CNTN5: variants seen among roughly 807,000 people sequenced by gnomAD.
The protein encoded by CNTN5 is contactin-5.
In CNTN5, 77 loss-of-function variants were observed where a neutral mutation model predicts 129.1. That is an observed-to-expected ratio of 0.60 (90% CI 0.50 to 0.72). CNTN5 has a LOEUF of 0.72. Ranked by LOEUF, CNTN5 falls within the 30% of genes least tolerant of loss-of-function variation. CNTN5 has a pLI of 0.00. For synonymous variants in CNTN5, 509 were observed against 465.6 expected (o/e 1.09, Z -1.20); for missense variants, 1,478 against 1,328.8 (o/e 1.11, Z -1.75).
At chr11:99,824,515 C>T (rs574105588) in intron 4 of CNTN5, among the ~76,000 whole-genome samples, 35 of 151,942 alleles carry the variant, frequency 2.3e-4, no homozygotes, top group African/African-American at 3.6e-4. Flanking sequence ...AAATGCATTG[C>T]GGATATATTT....
intron 13 of CNTN5, among the ~76,000 whole-genome samples, chr11:100,138,208 AATGTTCTGT>A (rs1247470964): frequency 6.6e-6 from 1 of 151,866 alleles, no homozygotes; most frequent in East Asian, 2.0e-4. Context: ...TCCAACTTGA[AATGTTCTGT>A]AGGCAAGTGG....
At chr11:100,265,200 T>G (rs1178982006) in intron 17 of CNTN5, among the ~76,000 whole-genome samples, 7 of 152,152 alleles carry the variant, frequency 4.6e-5, no homozygotes. Flanking sequence ...AGTGATCAAT[T>G]GTATTTACCC....
chr11:100,129,954 T>C (rs904131472), intron 13 of CNTN5, among the ~76,000 whole-genome samples: 7 of 152,254 alleles, frequency 4.6e-5, no homozygotes, highest in Non-Finnish European at 8.8e-5. Flanking sequence ...AGTGGTTTTT[T>C]AACCTGATTA....
At chr11:99,227,241 T>A (rs146288967) in intron 1 of CNTN5, among the ~76,000 whole-genome samples, 11,522 of 151,626 alleles carry the variant, frequency 0.076, 504 homozygotes, top group Middle Eastern at 0.12. Context: ...TTGCCTGTAA[T>A]CCCAGCTACT....
chr11:99,602,060 CTG>C (rs1177234007), intron 3 of CNTN5, among the ~76,000 whole-genome samples: 7 of 151,966 alleles, frequency 4.6e-5, no homozygotes, highest in African/African-American at 1.7e-4. Context: ...TATATAATAA[CTG>C]TGTTATAGAA....
At chr11:99,827,395 T>C (rs1946997794) in intron 4 of CNTN5, among the ~76,000 whole-genome samples, 1 of 152,186 alleles carries the variant, frequency 6.6e-6, no homozygotes, top group Non-Finnish European at 1.5e-5. Context: ...AGCCCATTCA[T>C]TGGTTCTTTT....
In CNTN5 at chr11:100,094,893, A is replaced by C. The variant is rs1057465259; in HGVS notation, c.1580+20599A>C. 7.2e-5 allele frequency among the ~76,000 whole-genome samples: 11 copies of C among 152,216 alleles called. No individual in the cohort carries two copies. The South Asian group carries it at 2.1e-3, about 29-fold the overall frequency. On this transcript the variant is annotated intron_variant, in intron 13 of 24. Coordinates refer to ENST00000524871, the MANE Select transcript of CNTN5 (RefSeq NM_014361.4). ...AAAGGTAACACATCTTTTTATGAGA[A>C]TTTGTTGCTCACCTTGTATAAGTAG...
At chr11:99,181,009 A>T (rs374593876) in intron 1 of CNTN5, among the ~76,000 whole-genome samples, 182 of 152,368 alleles carry the variant, frequency 1.2e-3, no homozygotes, top group African/African-American at 4.2e-3. Context: ...TGCTACTATC[A>T]TTAAGAGCTT....
chr11:99,404,165 G>A lies in CNTN5; in HGVS notation c.-71+78681G>A, dbSNP rs574091028. On this transcript the variant is annotated intron_variant, in intron 2 of 24. Coordinates refer to ENST00000524871, the MANE Select transcript of CNTN5 (RefSeq NM_014361.4). ...TTGAAATCTATTTTGTGTTGCATTA[G>A]TATAGCTGTTTCTGCTTTTTTTTGG... Among the ~76,000 whole-genome samples, 9 of 151,980 alleles carry A rather than the reference G, an allele frequency of 5.9e-5. No homozygotes were observed. In the South Asian group the frequency reaches 1.9e-3, roughly 32 times the overall value.
intron 2 of CNTN5, among the ~76,000 whole-genome samples, chr11:99,339,419 A>T (rs1249771235): frequency 6.6e-6 from 1 of 151,988 alleles, no homozygotes; most frequent in Non-Finnish European, 1.5e-5. Context: ...GTTTGCTCTG[A>T]GGCATAAAGA....
At chr11:99,755,189 C>T (rs1350666321) in intron 3 of CNTN5, among the ~76,000 whole-genome samples, 1 of 152,084 alleles carries the variant, frequency 6.6e-6, no homozygotes, top group African/African-American at 2.4e-5. Context: ...TTATAAACAG[C>T]TGTGTACAGA....
chr11:100,346,596 A>G (rs1266350884), intron 23 of CNTN5, among the ~76,000 whole-genome samples: 1 of 152,130 alleles, frequency 6.6e-6, no homozygotes, highest in East Asian at 1.9e-4. Flanking sequence ...CTATAATCCA[A>G]GCAAAAACTA....
chr11:100,249,204 A>G (rs1459972953), intron 16 of CNTN5, among the ~76,000 whole-genome samples: 1 of 152,158 alleles, frequency 6.6e-6, no homozygotes, highest in Non-Finnish European at 1.5e-5. Flanking sequence ...CCAAGGAGAT[A>G]TATATATATG....
chr11:99,443,399 A>G (rs1205815334), intron 2 of CNTN5, among the ~76,000 whole-genome samples: 4 of 152,228 alleles, frequency 2.6e-5, no homozygotes, highest in Non-Finnish European at 5.9e-5. Flanking sequence ...TTATGTAAAT[A>G]TTTAAATATT....
chr11:99,300,223 T>A (rs527531449), intron 1 of CNTN5, among the ~76,000 whole-genome samples: 1 of 152,266 alleles, frequency 6.6e-6, no homozygotes, highest in East Asian at 1.9e-4. Flanking sequence ...TTTTCAGCTC[T>A]TCCCCCATTG....
rs187932907 is a variant in CNTN5 at position 99,051,514 on chromosome 11, C to T, written c.-210+30244C>T. 4.6e-3 allele frequency among the ~76,000 whole-genome samples: 705 copies of T among 151,990 alleles called. 7 individuals are homozygous for T. Among genetic ancestry groups the T allele is most frequent in the African/African-American group, 0.016 (681 of 41,530 alleles). On this transcript the variant is annotated intron_variant, in intron 1 of 24. Transcript: ENST00000524871. ...ATGACAAAAATCACCAAGGGGACTTCCATTACTAGAAACAAGCTTGGTTTA... is the reference window on the plus strand; with the variant it reads ...ATGACAAAAATCACCAAGGGGACTTTCATTACTAGAAACAAGCTTGGTTTA...
intron 1 of CNTN5, among the ~76,000 whole-genome samples, chr11:99,104,945 C>A (rs1296025009): frequency 6.6e-6 from 1 of 151,852 alleles, no homozygotes; most frequent in Non-Finnish European, 1.5e-5. Flanking sequence ...CTAAATGTTC[C>A]CTGTTGGTGA....
intron 7 of CNTN5, among the ~76,000 whole-genome samples, chr11:99,942,080 A>G (rs189071619): frequency 1.3e-5 from 2 of 152,194 alleles, no homozygotes; most frequent in African/African-American, 4.8e-5. Flanking sequence ...CCCATTAGCA[A>G]TTTGGGGCAA....
At chr11:100,035,321 T>C (rs951001800) in intron 9 of CNTN5, among the ~76,000 whole-genome samples, 6 of 148,248 alleles carry the variant, frequency 4.0e-5, no homozygotes, top group African/African-American at 1.0e-4. Context: ...TATGGCTGCA[T>C]AGTATTCCAT....
Sources: gnomAD v4.1 joint callset for allele counts (sites outside exome capture counted in the v4.1 genomes callset) on GRCh38, gnomAD v4.1.1 for gene constraint, MANE v1.5 for transcripts, NCBI Gene and HGNC (gene_info 2026-07-23, HGNC 2026-07-21) for gene names.